The following CLDN16 variants were observed in gnomAD, a reference collection of about 807,000 sequenced individuals.
CLDN16 encodes the protein claudin-16.
Under a neutral mutation model 24.6 loss-of-function variants are expected in CLDN16, and 13 were observed. The ratio of observed to expected loss-of-function variants is 0.53; its 90% confidence interval spans 0.34 to 0.84. The LOEUF (loss-of-function observed/expected upper bound fraction) is 0.84, where lower values mean the gene tolerates loss of function less well. Among genes scored for constraint, CLDN16 ranks in the 40% least tolerant of loss-of-function variants. The pLI is 0.01. For synonymous variants in CLDN16, 116 were observed against 106.7 expected, an observed-to-expected ratio of 1.09 and a Z score of -0.54; for missense variants, 298 against 292.7, an observed-to-expected ratio of 1.02 and a Z score of -0.13.
intron 3 of CLDN16, among the ~76,000 whole-genome samples, chr3:190,376,978 A>T (rs1208762617): frequency 6.6e-6 from 1 of 151,964 alleles, no homozygotes; most frequent in East Asian, 1.9e-4. Flanking sequence ...GGATGATGAA[A>T]CCTGAGTCTA....
the CLDN16 span, among the ~76,000 whole-genome samples, chr3:190,298,325 A>G: frequency 2.3e-4 from 32 of 140,404 alleles, no homozygotes; most frequent in South Asian, 6.3e-3. Context: ...TCTTTACAAT[A>G]GTTTGATCTC....
chr3:190,314,804 A>G, the CLDN16 span, among the ~76,000 whole-genome samples: 5 of 152,170 alleles, frequency 3.3e-5, no homozygotes, highest in South Asian at 8.3e-4. Flanking sequence ...TAAAAATAAA[A>G]AAGAGACTTC....
chr3:190,402,071 G>A (rs1383456250), intron 1 of CLDN16, among the ~76,000 whole-genome samples: 1 of 152,086 alleles, frequency 6.6e-6, no homozygotes, highest in Admixed American at 6.6e-5. Context: ...TTTAGCTCTG[G>A]TTTTATCTCT....
intron 1 of CLDN16, among the ~76,000 whole-genome samples, chr3:190,352,458 T>C (rs1717689662): frequency 1.3e-5 from 2 of 152,174 alleles, no homozygotes; most frequent in African/African-American, 4.8e-5. Flanking sequence ...GCTTTAGGAA[T>C]ATTTATGACA....
At chr3:190,310,243 AATAGCCAGACCT>A in the CLDN16 span, 1 of 1,613,480 alleles carries the variant, frequency 6.2e-7, no homozygotes, top group Non-Finnish European at 8.5e-7. Flanking sequence ...TGGCAACTAA[AATAGCCAGACCT>A]ATAGAAATTC....
chr3:190,296,403 C>T, the CLDN16 span, among the ~76,000 whole-genome samples: 1 of 152,062 alleles, frequency 6.6e-6, no homozygotes, highest in Non-Finnish European at 1.5e-5. Context: ...TGGGAGAAAA[C>T]TGATGCTGCG....
At chr3:190,355,984 G>A (rs796516805) in intron 1 of CLDN16, among the ~76,000 whole-genome samples, 4 of 151,204 alleles carry the variant, frequency 2.6e-5, no homozygotes, top group African/African-American at 9.7e-5. Context: ...AGAAAGTCAG[G>A]GTCACTAAAA....
chr3:190,354,644 A>G lies in CLDN16; in HGVS notation n.122-16249A>G, dbSNP rs139946594. Among the ~76,000 whole-genome samples, 213 of 152,030 alleles carry G rather than the reference A, an allele frequency of 1.4e-3. 1 individual carries two copies. Among genetic ancestry groups the G allele is most frequent in the Non-Finnish European group, 2.3e-3 (154 of 67,916 alleles). The stretch of plus-strand genomic sequence containing the variant: ...GCAAATTGGGCAAAATTTTGTTTTC[A>G]TTGGTTGTGAGATTATGGGGAATGT... On this transcript the variant is annotated intron_variant and non_coding_transcript_variant, in intron 1 of 4. Coordinates refer to the CLDN16 transcript ENST00000468220.
chr3:190,323,673 G>A (rs1716994990), intron 1 of CLDN16, among the ~76,000 whole-genome samples: 3 of 152,132 alleles, frequency 2.0e-5, no homozygotes, highest in Admixed American at 6.5e-5. Context: ...CATGGCAACT[G>A]CTAGTTGGTG....
chr3:190,388,203 A>G lies in CLDN16; in HGVS notation c.-127A>G. ...CAAGACACCTGCAGCAGGGCGTGAG[A>G]AAAAGTAAAAGACCAGTATTTTCAC... On this transcript the variant is annotated 5_prime_UTR_variant, in exon 1 of 5. Coordinates refer to ENST00000264734, the MANE Select transcript of CLDN16 (RefSeq NM_006580.4). 6.2e-7 allele frequency: 1 copy of G among 1,614,114 alleles called. No homozygotes were observed. The highest frequency in any genetic ancestry group is 8.5e-7 in the Non-Finnish European group (1 of 1,180,012).
chr3:190,370,060 G>T (rs186110505), intron 1 of CLDN16, among the ~76,000 whole-genome samples: 1 of 151,916 alleles, frequency 6.6e-6, no homozygotes, highest in East Asian at 1.9e-4. Flanking sequence ...GTATGACAAC[G>T]TAGTAGAAAG....
chr3:190,334,019 A>C (rs1489483642), intron 1 of CLDN16, among the ~76,000 whole-genome samples: 1 of 152,144 alleles, frequency 6.6e-6, no homozygotes, highest in Admixed American at 6.6e-5. Flanking sequence ...GCCATTAAAA[A>C]GATATTGCTT....
intron 3 of CLDN16, among the ~76,000 whole-genome samples, chr3:190,379,384 C>G (rs1397395882): frequency 6.6e-6 from 1 of 152,012 alleles, no homozygotes; most frequent in Non-Finnish European, 1.5e-5. Context: ...AAAAATCTAT[C>G]GAGAGCCTAA....
upstream of CLDN16, chr3:190,322,457 T>C (rs1716956122): frequency 1.8e-6 from 1 of 547,666 alleles, no homozygotes; most frequent in South Asian, 2.0e-5. Flanking sequence ...GCAGAACCGC[T>C]GGGCGCCGCG....
intron 1 of CLDN16, among the ~76,000 whole-genome samples, chr3:190,335,305 A>G (rs1717276222): frequency 6.6e-6 from 1 of 151,790 alleles, no homozygotes; most frequent in South Asian, 2.1e-4. Flanking sequence ...CTGCCTCCCA[A>G]AGTGCTAGGA....
At chr3:190,319,809 C>T (rs1352153612), upstream of CLDN16, among the ~76,000 whole-genome samples, 2 of 152,204 alleles carry the variant, frequency 1.3e-5, no homozygotes, top group Non-Finnish European at 2.9e-5. Context: ...GAATCACCAT[C>T]CCAGATCTCT....
chr3:190,401,731 G>A (rs1480199461), intron 1 of CLDN16, among the ~76,000 whole-genome samples: 3 of 151,946 alleles, frequency 2.0e-5, no homozygotes, highest in Admixed American at 1.3e-4. Flanking sequence ...CATAGCTTAA[G>A]CATTTATAAT....
chr3:190,315,759 C>A, the CLDN16 span, among the ~76,000 whole-genome samples: 1 of 152,158 alleles, frequency 6.6e-6, no homozygotes, highest in East Asian at 1.9e-4. Flanking sequence ...TCACACTGAT[C>A]TTTTCTTCAA....
chr3:190,354,395 G>A (rs527252199), intron 1 of CLDN16, among the ~76,000 whole-genome samples: 7 of 151,886 alleles, frequency 4.6e-5, no homozygotes, highest in South Asian at 2.1e-4. Context: ...CCCCTTTTAC[G>A]GAGGTGGAAC....
Sources: gnomAD v4.1 joint callset for allele counts (sites outside exome capture counted in the v4.1 genomes callset) on GRCh38, gnomAD v4.1.1 for gene constraint, MANE v1.5 for transcripts, NCBI Gene and HGNC (gene_info 2026-07-23, HGNC 2026-07-21) for gene names.